CDH23: variants seen among roughly 807,000 people sequenced by gnomAD.
CDH23 encodes the protein cadherin-23.
CDH23 carries 189 observed loss-of-function variants against 317.1 expected under a neutral mutation model. The observed-to-expected ratio is 0.60, with a 90% CI of 0.53 to 0.67. The LOEUF (loss-of-function observed/expected upper bound fraction) is 0.67, where lower values mean the gene tolerates loss of function less well. Ranked by LOEUF, CDH23 falls within the 30% of genes least tolerant of loss-of-function variation. The pLI, the probability that CDH23 is intolerant of heterozygous loss-of-function variation, is 0.00. For missense variants in CDH23, 4,401 were observed against 4,592.4 expected (o/e 0.96, Z 1.20); for synonymous variants, 1,839 against 1,876.8 (o/e 0.98, Z 0.52).
chr10:71,649,836 T>C (rs972331801), intron 14 of CDH23, among the ~76,000 whole-genome samples: 2 of 152,208 alleles, frequency 1.3e-5, no homozygotes, highest in African/African-American at 4.8e-5. Flanking sequence ...CTCTAACCTG[T>C]TAAGTAGGCG....
chr10:71,605,994 C>G (rs778814034), intron 9 of CDH23, among the ~76,000 whole-genome samples: 3 of 152,228 alleles, frequency 2.0e-5, no homozygotes, highest in Non-Finnish European at 4.4e-5. Context: ...GGCCGCCTCT[C>G]TGAGGCTTTC....
chr10:71,400,537 C>T (rs2131886105), intron 1 of CDH23, among the ~76,000 whole-genome samples: 1 of 152,324 alleles, frequency 6.6e-6, no homozygotes, highest in South Asian at 2.1e-4. Flanking sequence ...CAGTGGCTCA[C>T]ACCTATAATC....
At chr10:71,651,235 A>G (rs1863151936) in intron 14 of CDH23, among the ~76,000 whole-genome samples, 1 of 152,104 alleles carries the variant, frequency 6.6e-6, no homozygotes, top group Admixed American at 6.5e-5. Flanking sequence ...AGGGAATAAC[A>G]TTGGAGAAAA....
At chr10:71,484,739 T>C (rs1178379053) in intron 3 of CDH23, among the ~76,000 whole-genome samples, 2 of 152,212 alleles carry the variant, frequency 1.3e-5, no homozygotes, top group Admixed American at 6.5e-5. Flanking sequence ...TTTCATTAAG[T>C]GCAATGCCTG....
intron 14 of CDH23, among the ~76,000 whole-genome samples, chr10:71,651,856 C>A (rs886998805): frequency 2.0e-5 from 3 of 152,138 alleles, no homozygotes; most frequent in Non-Finnish European, 2.9e-5. Flanking sequence ...GTGTGAGGAG[C>A]CAGCTTGGCC....
intron 1 of CDH23, among the ~76,000 whole-genome samples, chr10:71,431,462 A>T (rs1464336784): frequency 6.6e-6 from 1 of 152,192 alleles, no homozygotes; most frequent in African/African-American, 2.4e-5. Flanking sequence ...AAGCGTGGTC[A>T]TCGGTGACCT....
chr10:71,410,214 G>A (rs1289437739), intron 1 of CDH23, among the ~76,000 whole-genome samples: 1 of 152,198 alleles, frequency 6.6e-6, no homozygotes, highest in Non-Finnish European at 1.5e-5. Flanking sequence ...CATAGTAAAT[G>A]TTCAACAAAT....
chr10:71,619,061 A>G (rs2132524385), intron 11 of CDH23, among the ~76,000 whole-genome samples: 1 of 152,314 alleles, frequency 6.6e-6, no homozygotes, highest in Middle Eastern at 3.4e-3. Flanking sequence ...TAAGCCGGGC[A>G]CAGTGGCTCA....
chr10:71,421,166 T>C (rs1848796468), intron 1 of CDH23, among the ~76,000 whole-genome samples: 1 of 152,232 alleles, frequency 6.6e-6, no homozygotes, highest in African/African-American at 2.4e-5. Flanking sequence ...GATCCCCTCT[T>C]TGTTTGCAGG....
At chr10:71,420,436 GATGGTCATTA>G in intron 1 of CDH23, among the ~76,000 whole-genome samples, 1 of 145,184 alleles carries the variant, frequency 6.9e-6, no homozygotes, top group Non-Finnish European at 1.5e-5. Flanking sequence ...TGATGATGAT[GATGGTCATTA>G]TGATGGTGAT....
chr10:71,801,150 C>CTCT (rs765969201), intron 53 of CDH23, among the ~76,000 whole-genome samples: 60 of 73,984 alleles, frequency 8.1e-4, no homozygotes, highest in African/African-American at 3.2e-3. Context: ...CTCTCTCTCT[C>CTCT]TTTTTTTTTT....
intron 11 of CDH23, among the ~76,000 whole-genome samples, chr10:71,638,286 A>C (rs1305090899): frequency 6.6e-6 from 1 of 152,154 alleles, no homozygotes; most frequent in Non-Finnish European, 1.5e-5. Context: ...CCCCTGGGTC[A>C]CTAACCCAGG....
In CDH23 at chr10:71,516,888, G is replaced by A. The variant is rs540501906; in HGVS notation, c.429+5676G>A. Reference sequence around the variant, plus strand: ...GATTAAAGTAAATGAGATCACTCACGTAGAGTGCTCAGCCCGGGTCCCAGG... The same window carrying A: ...GATTAAAGTAAATGAGATCACTCACATAGAGTGCTCAGCCCGGGTCCCAGG... On this transcript the variant is annotated intron_variant, in intron 6 of 69. Transcript: ENST00000224721. Among the ~76,000 whole-genome samples, 4 of 152,332 alleles carry A rather than the reference G, an allele frequency of 2.6e-5. 1 individual carries two copies. The South Asian group carries it at 6.2e-4, about 24-fold the overall frequency.
chr10:71,796,956 G>C, intron 48 of CDH23, 148 bp from the exon 49 acceptor site: 2 of 605,986 alleles, frequency 3.3e-6, no homozygotes, highest in Non-Finnish European at 6.1e-6. Context: ...TGAGGAGGCT[G>C]TGGGCCCACC....
chr10:71,683,652 G>T lies in CDH23; in HGVS notation c.1986+1080G>T, dbSNP rs576319622. The stretch of plus-strand genomic sequence containing the variant: ...CATGTGGGAGCAGAATTTAGGGGGG[G>T]CCAGGAGGATGAGGCTATACAGAAC... On this transcript the variant is annotated intron_variant, in intron 18 of 69. Transcript: ENST00000224721. Among the ~76,000 whole-genome samples the T allele has an allele frequency of 2.6e-5, 4 of 152,312 alleles. No homozygotes were observed. The South Asian group carries it at 6.2e-4, about 24-fold the overall frequency.
At chr10:71,682,392 C>T (rs1028565256) in intron 17 of CDH23, 53 bp from the exon 18 acceptor site, 62 of 1,595,826 alleles carry the variant, frequency 3.9e-5, no homozygotes, top group Non-Finnish European at 4.4e-5. Flanking sequence ...CCTGTCTGGA[C>T]GGGCATCTCA....
intron 6 of CDH23, among the ~76,000 whole-genome samples, chr10:71,540,406 G>A (rs2132285542): frequency 6.6e-6 from 1 of 152,268 alleles, no homozygotes; most frequent in Non-Finnish European, 1.5e-5. Flanking sequence ...CTGTGGTCAA[G>A]GAATGTCTCA....
At chr10:71,778,361 G>T (rs1445223443) in intron 40 of CDH23, 53 bp downstream of exon 40, 1 of 1,608,480 alleles carries the variant, frequency 6.2e-7, no homozygotes, top group Non-Finnish European at 8.5e-7. Context: ...GCGAAGGATG[G>T]GACCCAGAAA....
intron 6 of CDH23, among the ~76,000 whole-genome samples, chr10:71,543,702 C>T (rs1589188245): frequency 6.6e-6 from 1 of 152,234 alleles, no homozygotes; most frequent in Non-Finnish European, 1.5e-5. Flanking sequence ...CAGATGGGCA[C>T]TGTGATTACC....
Sources: allele counts gnomAD v4.1 joint callset (sites outside exome capture counted in the v4.1 genomes callset), GRCh38; gene constraint gnomAD v4.1.1; transcripts MANE v1.5; gene names NCBI Gene and HGNC (gene_info 2026-07-23, HGNC 2026-07-21).